FTO: variants seen among roughly 807,000 people sequenced by gnomAD.
FTO encodes the protein alpha-ketoglutarate-dependent dioxygenase FTO.
FTO carries 47 observed loss-of-function variants against 63.9 expected under a neutral mutation model. The observed-to-expected ratio is 0.74, with a 90% CI of 0.58 to 0.94. The LOEUF is 0.94. FTO is among the 40% of genes least tolerant of loss of function. The pLI, the probability that FTO is intolerant of heterozygous loss-of-function variation, is 0.00. For synonymous variants in FTO, 207 were observed against 224.4 expected (o/e 0.92, Z 0.69); for missense variants, 562 against 618.1 (o/e 0.91, Z 0.96).
At chr16:53,752,856 A>G (rs2151576052) in intron 1 of FTO, among the ~76,000 whole-genome samples, 1 of 152,296 alleles carries the variant, frequency 6.6e-6, no homozygotes, top group African/African-American at 2.4e-5. Context: ...AGTTATAATA[A>G]AAAGTAAACC....
At chr16:54,001,610 A>G (rs1379453502) in intron 8 of FTO, among the ~76,000 whole-genome samples, 1 of 152,112 alleles carries the variant, frequency 6.6e-6, no homozygotes, top group African/African-American at 2.4e-5. Flanking sequence ...TATAATTTTG[A>G]TTTTTCCTAA....
At chr16:54,021,879 A>G (rs9929796) in intron 8 of FTO, among the ~76,000 whole-genome samples, 1,897 of 152,236 alleles carry the variant, frequency 0.012, 30 homozygotes, top group African/African-American at 0.043. Flanking sequence ...ATGAAATATG[A>G]TATTGTAGGT....
At chr16:53,963,201 A>G (rs1159991423) in intron 8 of FTO, among the ~76,000 whole-genome samples, 3 of 152,158 alleles carry the variant, frequency 2.0e-5, no homozygotes, top group East Asian at 1.9e-4. Flanking sequence ...GTTGCTGTAT[A>G]ATAGCTGCAT....
At chr16:53,872,101 A>AT (rs2080516863) in intron 4 of FTO, among the ~76,000 whole-genome samples, 1 of 152,130 alleles carries the variant, frequency 6.6e-6, no homozygotes, top group South Asian at 2.1e-4. Context: ...CCTAGGACTC[A>AT]TTTAGCCCTA....
At chr16:53,777,269 T>C (rs1294028076) in intron 1 of FTO, among the ~76,000 whole-genome samples, 1 of 152,176 alleles carries the variant, frequency 6.6e-6, no homozygotes, top group Non-Finnish European at 1.5e-5. Context: ...TTCTATGAGT[T>C]TGACTTTTTT....
At chr16:53,976,640 T>A (rs1178058349) in intron 8 of FTO, among the ~76,000 whole-genome samples, 1 of 152,202 alleles carries the variant, frequency 6.6e-6, no homozygotes, top group Non-Finnish European at 1.5e-5. Context: ...TTAATATAAA[T>A]GCATTGAATT....
intron 8 of FTO, among the ~76,000 whole-genome samples, chr16:53,938,054 G>T (rs1391137984): frequency 6.6e-6 from 1 of 152,150 alleles, no homozygotes; most frequent in Admixed American, 6.5e-5. Context: ...ATTTTGTTCT[G>T]CCTGCCTGCT....
intron 2 of FTO, among the ~76,000 whole-genome samples, chr16:53,816,829 C>A (rs72622243): frequency 0.056 from 8,495 of 152,228 alleles, 676 homozygotes; most frequent in East Asian, 0.41. Context: ...TATTGTCTGG[C>A]TCACCTTGCT....
At position 53,826,096 on chromosome 16, in the gene FTO, C is replaced by T. The variant is rs1473876555; in HGVS notation, c.356C>T (p.Pro119Leu). ...LNTRLFTVPW[P>L]VKGSNIKHTE... Reference sequence around the variant, plus strand: ...ACCAGGCTCTTTACGGTCCCCTGGCCAGTGAAAGGGTCTAATATAAAACAC... The same window carrying T: ...ACCAGGCTCTTTACGGTCCCCTGGCTAGTGAAAGGGTCTAATATAAAACAC... Residue 119 changes from proline (P) to leucine (L), a missense_variant, in exon 3 of 9, where the codon CCA (proline) becomes CTA (leucine). By Grantham distance (98) the Pro-to-Leu change is moderately conservative. Coordinates refer to ENST00000471389, the MANE Select transcript of FTO (RefSeq NM_001080432.3). 6 of 1,614,034 alleles carry T rather than the reference C, an allele frequency of 3.7e-6. No homozygotes were observed. Among genetic ancestry groups the T allele is most frequent in the Middle Eastern group, 1.6e-4 (1 of 6,084 alleles).
intron 8 of FTO, among the ~76,000 whole-genome samples, chr16:54,107,682 T>C (rs1162543585): frequency 6.6e-6 from 1 of 152,172 alleles, no homozygotes; most frequent in Non-Finnish European, 1.5e-5. Flanking sequence ...GGCCGGCATA[T>C]CAGCTAGGAT....
Position 53,868,463 on chromosome 16 carries a change from G to A in FTO, c.896-5323G>A, listed in dbSNP as rs1002815075. ...CTGTTACACAGATAGTGCAAGTACAGTAAAATAAAATATTCCTAATTTTTT... is the reference window on the plus strand; with the variant it reads ...CTGTTACACAGATAGTGCAAGTACAATAAAATAAAATATTCCTAATTTTTT... On this transcript the variant is annotated intron_variant, in intron 4 of 8. Transcript: ENST00000471389. Among the ~76,000 whole-genome samples, 19 of 152,042 alleles carry A rather than the reference G, an allele frequency of 1.2e-4. 1 individual carries two copies. Among genetic ancestry groups the A allele is most frequent in the African/African-American group, 4.3e-4 (18 of 41,482 alleles).
chr16:53,826,380 TACCTGAAAGAGGA>T lies in FTO; in HGVS notation c.645_657del (p.Lys216IlefsTer9). On this transcript the variant is annotated frameshift_variant, in exon 3 of 9. Coordinates refer to ENST00000471389, the MANE Select transcript of FTO (RefSeq NM_001080432.3). LOFTEE classifies it high-confidence loss of function. ...TTTCATGGATCCTCAGAAAATGCCA[TACCTGAAAGAGGA>T]ACCTTATTTTGGCATGGGGAAAATG... is the stretch of plus-strand genomic sequence containing the variant. The T allele has an allele frequency of 6.2e-7, 1 of 1,614,196 alleles. No homozygotes were observed. Among genetic ancestry groups the T allele is most frequent in the Non-Finnish European group, 8.5e-7 (1 of 1,180,022 alleles).
intron 1 of FTO, among the ~76,000 whole-genome samples, chr16:53,747,060 T>C (rs1004633926): frequency 1.3e-5 from 2 of 152,242 alleles, no homozygotes; most frequent in South Asian, 2.1e-4. Context: ...CTGAGTGGTA[T>C]TTACGGGCTG....
chr16:53,844,248 C>G lies in FTO; in HGVS notation c.845C>G (p.Thr282Arg). The G allele has an allele frequency of 6.2e-7, 1 of 1,613,428 alleles. No homozygotes were observed. The highest frequency in any genetic ancestry group is 8.5e-7 in the Non-Finnish European group (1 of 1,179,432). ...TTTAAGATCTCATGGGACATAGAGA[C>G]ACCTGGTTTGGCGATACCCCTTCAC... is the stretch of plus-strand genomic sequence containing the variant. ...VGFKISWDIE[T>R]PGLAIPLHQG... Residue 282 changes from threonine (T) to arginine (R), a missense_variant, in exon 4 of 9, where the codon ACA becomes AGA. Physicochemically the swap from Thr to Arg is moderately conservative, Grantham distance 71 (BLOSUM62 -1). Transcript: ENST00000471389.
chr16:54,068,160 G>A (rs1269132585), intron 8 of FTO, among the ~76,000 whole-genome samples: 2 of 152,108 alleles, frequency 1.3e-5, no homozygotes, highest in Non-Finnish European at 2.9e-5. Context: ...CTTCCCCACG[G>A]TCCTCTGGGC....
At chr16:53,822,949 G>C (rs367660270) in intron 2 of FTO, among the ~76,000 whole-genome samples, 1 of 152,044 alleles carries the variant, frequency 6.6e-6, no homozygotes, top group African/African-American at 2.4e-5. Flanking sequence ...AGAAACTCTG[G>C]TGTTCTCTAG....
chr16:54,078,306 T>C (rs1393632699), intron 8 of FTO, among the ~76,000 whole-genome samples: 1 of 149,014 alleles, frequency 6.7e-6, no homozygotes, highest in Non-Finnish European at 1.5e-5. Context: ...ATTTGAAGTG[T>C]GTGTGTGTAA....
At chr16:53,889,679 TG>T (rs1293045076) in intron 7 of FTO, among the ~76,000 whole-genome samples, 1 of 152,000 alleles carries the variant, frequency 6.6e-6, no homozygotes, top group Non-Finnish European at 1.5e-5. Context: ...ATGGGGGATC[TG>T]GGGAAGAACA....
intron 7 of FTO, among the ~76,000 whole-genome samples, chr16:53,926,956 C>T (rs900077693): frequency 2.0e-5 from 3 of 152,174 alleles, no homozygotes; most frequent in African/African-American, 7.2e-5. Context: ...AGCCAAAGCT[C>T]CTTGTCTCCT....
Sources: gnomAD v4.1 joint callset for allele counts (sites outside exome capture counted in the v4.1 genomes callset) on GRCh38, gnomAD v4.1.1 for gene constraint, MANE v1.5 for transcripts, NCBI Gene and HGNC (gene_info 2026-07-23, HGNC 2026-07-21) for gene names.